Variants in NR1H4 observed in about 807,000 individuals in gnomAD.
NR1H4 encodes nuclear receptor subfamily 1 group H member 4, also known as bile acid receptor.
A neutral mutation model predicts 58.5 loss-of-function variants in NR1H4; 23 were observed. That is an observed-to-expected ratio of 0.39 (90% CI 0.28 to 0.56). NR1H4 has a LOEUF of 0.56. NR1H4 is among the 20% of genes least tolerant of loss of function. NR1H4 has a pLI of 0.58. For missense variants in NR1H4, 487 were observed against 576.9 expected (o/e 0.84, Z 1.60); for synonymous variants, 214 against 198.0 (o/e 1.08, Z -0.68).
chr12:100,540,565 T>G (rs944285071), intron 8 of NR1H4, 107 bp from the exon 9 acceptor site: 5 of 1,294,246 alleles, frequency 3.9e-6, no homozygotes, highest in Admixed American at 1.7e-5. Flanking sequence ...TACCCAATTT[T>G]AAACAACTAC....
chr12:100,474,549 T>G lies in NR1H4; in HGVS notation c.-190+490T>G, dbSNP rs1049034560. ...AGAAGAGTAGGTGGAAAAAGTCTTC[T>G]TTCTTGACTTCAGTTGTAAACTCTT... On this transcript the variant is annotated intron_variant, in intron 1 of 10. Transcript: ENST00000392986. Among the ~76,000 whole-genome samples the G allele has an allele frequency of 5.3e-5, 8 of 152,236 alleles. No homozygotes were observed. In the East Asian group the frequency reaches 1.3e-3, roughly 26 times the overall value.
At chr12:100,549,519 AC>A (rs1955156477) in intron 9 of NR1H4, among the ~76,000 whole-genome samples, 1 of 152,168 alleles carries the variant, frequency 6.6e-6, no homozygotes, top group Admixed American at 6.5e-5. Flanking sequence ...TGTAAAGAGA[AC>A]TACTAATGCA....
intron 1 of NR1H4, among the ~76,000 whole-genome samples, chr12:100,475,747 T>G (rs1174225368): frequency 6.6e-6 from 1 of 152,110 alleles, no homozygotes; most frequent in Non-Finnish European, 1.5e-5. Flanking sequence ...TTTATTATTA[T>G]TTTTTTGAGA....
intron 4 of NR1H4, among the ~76,000 whole-genome samples, chr12:100,530,233 A>G (rs1217762348): frequency 1.3e-5 from 2 of 152,230 alleles, no homozygotes; most frequent in Admixed American, 6.5e-5. Flanking sequence ...GCTTTAGTGC[A>G]TGACTGCCTG....
intron 1 of NR1H4, among the ~76,000 whole-genome samples, chr12:100,484,845 A>G (rs1953457121): frequency 6.6e-6 from 1 of 152,172 alleles, no homozygotes; most frequent in African/African-American, 2.4e-5. Context: ...AGGTTCCCCA[A>G]ACATTTTATG....
At chr12:100,498,769 A>T (rs765209648) in intron 3 of NR1H4, among the ~76,000 whole-genome samples, 13 of 152,114 alleles carry the variant, frequency 8.5e-5, no homozygotes, top group Non-Finnish European at 1.6e-4. Context: ...ATTGTATCTA[A>T]CAGTCTTTCC....
intron 4 of NR1H4, among the ~76,000 whole-genome samples, chr12:100,519,150 C>T (rs1954346424): frequency 6.6e-6 from 1 of 152,050 alleles, no homozygotes; most frequent in Admixed American, 6.5e-5. Context: ...TGAATGAGCA[C>T]AAGATTCAAC....
chr12:100,544,800 A>G (rs1012664941), intron 9 of NR1H4, among the ~76,000 whole-genome samples: 1 of 152,200 alleles, frequency 6.6e-6, no homozygotes, highest in African/African-American at 2.4e-5. Context: ...AAAGCTAACA[A>G]GTAACCAACA....
chr12:100,551,144 G>A (rs1035043597), intron 9 of NR1H4, among the ~76,000 whole-genome samples: 3 of 152,152 alleles, frequency 2.0e-5, no homozygotes, highest in Non-Finnish European at 4.4e-5. Flanking sequence ...AGTAAAACAT[G>A]GTTTCTGCCC....
chr12:100,546,424 G>A (rs540057660), intron 9 of NR1H4, among the ~76,000 whole-genome samples: 5 of 152,146 alleles, frequency 3.3e-5, no homozygotes, highest in Admixed American at 1.3e-4. Flanking sequence ...TGCCGGGCGC[G>A]GTGGCTCATG....
intron 6 of NR1H4, 147 bp downstream of exon 6, chr12:100,535,170 TG>T: frequency 1.1e-6 from 1 of 882,842 alleles, no homozygotes; most frequent in Non-Finnish European, 1.8e-6. Context: ...TCCTAATACA[TG>T]CTTTGATGTA....
chr12:100,561,182 G>GA (rs1298269155), intron 9 of NR1H4, among the ~76,000 whole-genome samples: 1 of 151,712 alleles, frequency 6.6e-6, no homozygotes, highest in African/African-American at 2.4e-5. Context: ...GGATCACGAG[G>GA]TCAGGAGATC....
At chr12:100,490,009 G>A (rs950459403) in intron 1 of NR1H4, among the ~76,000 whole-genome samples, 20 of 152,114 alleles carry the variant, frequency 1.3e-4, no homozygotes, top group African/African-American at 4.8e-4. Context: ...AGGGGAACTG[G>A]ACTTTTCATT....
At chr12:100,527,166 T>C (rs1245607900) in intron 4 of NR1H4, among the ~76,000 whole-genome samples, 2 of 152,170 alleles carry the variant, frequency 1.3e-5, no homozygotes, top group African/African-American at 4.8e-5. Context: ...CTGGGTAGAT[T>C]CATGTCTCAA....
chr12:100,499,854 T>C (rs750887666), intron 3 of NR1H4: 108 of 455,934 alleles, frequency 2.4e-4, no homozygotes, highest in Non-Finnish European at 3.7e-4. Flanking sequence ...TGTTAACAGA[T>C]TTCCTGGGTT....
chr12:100,500,968 T>C (rs1289053270), intron 3 of NR1H4, among the ~76,000 whole-genome samples: 1 of 152,030 alleles, frequency 6.6e-6, no homozygotes, highest in Non-Finnish European at 1.5e-5. Flanking sequence ...ACAGCAGAGA[T>C]ATTCAGGAAA....
chr12:100,513,665 C>T (rs1193137656), intron 4 of NR1H4, among the ~76,000 whole-genome samples: 4 of 152,014 alleles, frequency 2.6e-5, no homozygotes, highest in Non-Finnish European at 4.4e-5. Flanking sequence ...CATAGTGGCA[C>T]GCACCTGTAG....
At chr12:100,543,380 T>C (rs957967692) in intron 9 of NR1H4, among the ~76,000 whole-genome samples, 8 of 152,062 alleles carry the variant, frequency 5.3e-5, no homozygotes, top group African/African-American at 1.9e-4. Context: ...TTTCTAGCAG[T>C]GTTAGGGTAA....
At chr12:100,513,802 AAGG>A (rs1253768931) in intron 4 of NR1H4, among the ~76,000 whole-genome samples, 1 of 1,554 alleles carries the variant, frequency 6.4e-4, no homozygotes, top group East Asian at 0.25. Flanking sequence ...CAAAGACAGA[AAGG>A]AAGGAAGGAA....
Sources: gnomAD v4.1 joint callset for allele counts (sites outside exome capture counted in the v4.1 genomes callset) on GRCh38, gnomAD v4.1.1 for gene constraint, MANE v1.5 for transcripts, NCBI Gene and HGNC (gene_info 2026-07-23, HGNC 2026-07-21) for gene names.